SBNO1: variants seen among roughly 807,000 people sequenced by gnomAD.
SBNO1 encodes strawberry notch homolog 1, also known as protein strawberry notch homolog 1.
A neutral mutation model predicts 173.6 loss-of-function variants in SBNO1; 23 were observed. The observed-to-expected ratio is 0.13, with a 90% CI of 0.10 to 0.19. The LOEUF is 0.19. Among genes scored for constraint, SBNO1 ranks in the 10% least tolerant of loss-of-function variants. SBNO1 has a pLI of 1.00. For synonymous variants in SBNO1, 632 were observed against 571.5 expected, an observed-to-expected ratio of 1.11 and a Z score of -1.51; for missense variants, 1,238 against 1,671.2, an observed-to-expected ratio of 0.74 and a Z score of 4.52.
intron 3 of SBNO1, among the ~76,000 whole-genome samples, chr12:123,347,408 A>G (rs1197159743): frequency 6.6e-6 from 1 of 151,024 alleles, no homozygotes; most frequent in Non-Finnish European, 1.5e-5. Flanking sequence ...TTGTATTTTT[A>G]GTAGAGACGG....
intron 1 of SBNO1, chr12:123,363,784 G>A (rs1167766425): frequency 2.3e-6 from 2 of 865,666 alleles, no homozygotes; most frequent in East Asian, 1.2e-4. Flanking sequence ...TTCTCTGTGC[G>A]AGGATCAAGT....
intron 20 of SBNO1, among the ~76,000 whole-genome samples, 178 bp downstream of exon 20, chr12:123,319,722 T>G (rs976582122): frequency 6.6e-6 from 1 of 151,508 alleles, no homozygotes; most frequent in Admixed American, 6.6e-5. Flanking sequence ...ACTTACTATA[T>G]TCAATGATAA....
intron 1 of SBNO1, among the ~76,000 whole-genome samples, chr12:123,362,032 G>C (rs1289795578): frequency 6.6e-6 from 1 of 151,808 alleles, no homozygotes; most frequent in Non-Finnish European, 1.5e-5. Flanking sequence ...CCAGCTATTT[G>C]GGAGGCTGAG....
chr12:123,306,354 G>A (rs757378607), intron 28 of SBNO1, among the ~76,000 whole-genome samples: 1 of 152,096 alleles, frequency 6.6e-6, no homozygotes, highest in African/African-American at 2.4e-5. Context: ...AAAGTATGGT[G>A]GCCTAATGCA....
chr12:123,340,610 C>G (rs10846521), intron 5 of SBNO1, among the ~76,000 whole-genome samples: 8,544 of 136,426 alleles, frequency 0.063, 296 homozygotes, highest in South Asian at 0.12. Context: ...AAAAAAGAAT[C>G]ACTCATAACC....
chr12:123,361,919 T>A (rs1221311676), intron 1 of SBNO1, among the ~76,000 whole-genome samples: 1 of 151,024 alleles, frequency 6.6e-6, no homozygotes, highest in African/African-American at 2.4e-5. Context: ...GGCAGGCGGA[T>A]CACCAGGTCA....
chr12:123,316,703 CTTTT>C (rs545944754), intron 21 of SBNO1, among the ~76,000 whole-genome samples: 250 of 123,884 alleles, frequency 2.0e-3, no homozygotes, highest in African/African-American at 7.2e-3. Context: ...TTTTCTTCTT[CTTTT>C]TTTTTTTTTT....
At position 123,291,569 on chromosome 12, in the gene SBNO1, T is replaced by C. The variant is rs982748459; in HGVS notation, c.*4339A>G. On this transcript the variant is annotated 3_prime_UTR_variant, in exon 32 of 32. Coordinates refer to ENST00000602398, the MANE Select transcript of SBNO1 (RefSeq NM_001167856.3). ...GCATTGCACACAACACAATAAGACA[T>C]AGTAAAAAACATTAACACAAAACAG... is the stretch of plus-strand genomic sequence containing the variant. 4.7e-5 allele frequency: 7 copies of C among 148,778 alleles called. No homozygotes were observed. The highest frequency in any genetic ancestry group is 3.5e-3 in the Middle Eastern group (1 of 284). 9.2% of individuals were successfully genotyped at this position (148,778 alleles called of 1,614,324 possible).
intron 5 of SBNO1, among the ~76,000 whole-genome samples, chr12:123,338,924 CT>C (rs1453182983): frequency 0.21 from 2,679 of 13,046 alleles, 51 homozygotes; most frequent in Non-Finnish European, 0.42. Flanking sequence ...CCCCCCCCCC[CT>C]CCCCGACTAG....
chr12:123,338,345 G>C (rs1872104125), intron 5 of SBNO1, among the ~76,000 whole-genome samples: 1 of 151,548 alleles, frequency 6.6e-6, no homozygotes, highest in African/African-American at 2.4e-5. Context: ...CTGAGGTCAG[G>C]AGTTCAAGAC....
At chr12:123,326,371 T>C (rs1566037550) in intron 13 of SBNO1, 37 bp from the exon 14 acceptor site, 1 of 1,398,136 alleles carries the variant, frequency 7.2e-7, no homozygotes, top group East Asian at 2.4e-5. Context: ...ACACTTCATC[T>C]TTGAGTCTAG....
rs768428198 is a variant in SBNO1, at chr12:123,330,506, A to T, written c.1047T>A (p.Phe349Leu). ...CATACTTTAAGTCATTTGAAACACTAAACCTGCCAAAATATTAAAAAGCAC... is the reference window on the plus strand; with the variant it reads ...CATACTTTAAGTCATTTGAAACACTTAACCTGCCAAAATATTAAAAAGCAC... ...YLLSRKRALW[F>L]SVSNDLKYDA... The change falls in exon 9 of 32, where the codon TTT becomes TTA. Residue 349 changes from phenylalanine to leucine, a missense_variant. Phe to Leu is a conservative substitution (Grantham distance 22). Coordinates refer to ENST00000602398, the MANE Select transcript of SBNO1 (RefSeq NM_001167856.3). 6.4e-7 allele frequency: 1 copy of T among 1,553,148 alleles called. No homozygotes were observed. The highest frequency in any genetic ancestry group is 8.8e-7 in the Non-Finnish European group (1 of 1,138,624).
At chr12:123,328,653 A>G (rs905024700) in intron 10 of SBNO1, 81 bp downstream of exon 10, 1 of 1,121,770 alleles carries the variant, frequency 8.9e-7, no homozygotes, top group Non-Finnish European at 1.2e-6. Context: ...TTTAATCTCA[A>G]GATTCCTGTT....
In SBNO1 at chr12:123,291,722, A is replaced by G. The variant is rs1454024267; in HGVS notation, c.*4186T>C. 1.3e-5 allele frequency: 2 copies of G among 150,672 alleles called. No homozygotes were observed. The highest frequency in any genetic ancestry group is 3.0e-5 in the Non-Finnish European group (2 of 67,676). The allele number at this position is 150,672 out of a possible 1,614,324, so 9.3% of individuals were successfully genotyped here. Reference sequence around the variant, plus strand: ...AAAGTCATAAGATGCCCCATATGGGAAAGTCAAGAAAAGAATAAATAGAGC... The same window carrying G: ...AAAGTCATAAGATGCCCCATATGGGGAAGTCAAGAAAAGAATAAATAGAGC... On this transcript the variant is annotated 3_prime_UTR_variant, in exon 32 of 32. Coordinates refer to ENST00000602398, the MANE Select transcript of SBNO1 (RefSeq NM_001167856.3).
Position 123,364,531 on chromosome 12 carries a change from G to A in SBNO1, c.-1+170C>T, listed in dbSNP as rs1358294445. ...CCGCCGTCGGGAACATGCCCCCGAG[G>A]GCCCCGGAGCGCGCGGCCGCGAGGA... On this transcript the variant is annotated intron_variant, in intron 1 of 31. Transcript: ENST00000602398. The A allele has an allele frequency of 4.1e-6, 4 of 983,640 alleles. No homozygotes were observed. The South Asian group carries it at 1.4e-4, about 35-fold the overall frequency. The allele number at this position is 983,640 out of a possible 1,614,324, so 60.9% of individuals were successfully genotyped here.
intron 9 of SBNO1, among the ~76,000 whole-genome samples, chr12:123,329,467 A>G (rs1870952117): frequency 6.6e-6 from 1 of 151,982 alleles, no homozygotes; most frequent in Non-Finnish European, 1.5e-5. Context: ...CTTCCCTATA[A>G]GAATAAAAAG....
At chr12:123,299,011 C>T (rs985162981) in intron 30 of SBNO1, among the ~76,000 whole-genome samples, 1 of 151,864 alleles carries the variant, frequency 6.6e-6, no homozygotes, top group African/African-American at 2.4e-5. Flanking sequence ...CAGCTTGAGA[C>T]CAGGAGTTTG....
chr12:123,324,871 C>T (rs1004176911), intron 15 of SBNO1, among the ~76,000 whole-genome samples: 5 of 151,680 alleles, frequency 3.3e-5, no homozygotes, highest in South Asian at 4.2e-4. Flanking sequence ...TGGAGTGGTG[C>T]GATCTTGGCT....
chr12:123,326,447 A>G (rs1161981950), intron 13 of SBNO1, 113 bp from the exon 14 acceptor site: 3 of 573,758 alleles, frequency 5.2e-6, no homozygotes, highest in Non-Finnish European at 8.2e-6. Context: ...TTAATTTAAT[A>G]AATCATCTTT....
Sources: allele counts gnomAD v4.1 joint callset (sites outside exome capture counted in the v4.1 genomes callset), GRCh38; gene constraint gnomAD v4.1.1; transcripts MANE v1.5; gene names NCBI Gene and HGNC (gene_info 2026-07-23, HGNC 2026-07-21).